The following PSPH variants were observed in gnomAD, a reference collection of about 807,000 sequenced individuals.
The protein encoded by PSPH is L-3-phosphoserine phosphatase.
Under a neutral mutation model 23.4 loss-of-function variants are expected in PSPH, and 16 were observed. That is an observed-to-expected ratio of 0.68 (90% CI 0.46 to 1.04). The LOEUF (loss-of-function observed/expected upper bound fraction) is 1.04. Among genes scored for constraint, PSPH ranks in the 50% least tolerant of loss-of-function variants. The probability of loss-of-function intolerance (pLI) is 0.00; values close to 1 mark genes in which losing one functional copy is unlikely to be tolerated. For synonymous variants in PSPH, 68 were observed against 99.7 expected, an observed-to-expected ratio of 0.68 and a Z score of 1.89; for missense variants, 223 against 273.7, an observed-to-expected ratio of 0.81 and a Z score of 1.31.
chr7:56,034,730 A>G (rs1791499049), intron 1 of PSPH, among the ~76,000 whole-genome samples: 1 of 151,842 alleles, frequency 6.6e-6, no homozygotes, highest in African/African-American at 2.4e-5. Context: ...GTTAGCCAGG[A>G]TGGTCTCGAT....
intron 1 of PSPH, among the ~76,000 whole-genome samples, chr7:56,035,251 G>T (rs1337439069): frequency 6.6e-6 from 1 of 152,084 alleles, no homozygotes; most frequent in Non-Finnish European, 1.5e-5. Context: ...TGAGGCAGGA[G>T]AATTGCTTGA....
chr7:56,020,795 T>C (rs1789270935), intron 4 of PSPH, among the ~76,000 whole-genome samples: 1 of 152,162 alleles, frequency 6.6e-6, no homozygotes, highest in Non-Finnish European at 1.5e-5. Flanking sequence ...CTTTCAACCA[T>C]GACACAAAGC....
rs763933350 is a variant in PSPH at position 56,021,137 on chromosome 7, T to C, written c.76A>G (p.Ile26Val). 6.2e-6 allele frequency: 10 copies of C among 1,614,278 alleles called. No individual in the cohort carries two copies. The highest frequency in any genetic ancestry group is 5.9e-6 in the Non-Finnish European group (7 of 1,180,048). Residue 26 changes from isoleucine (I) to valine (V), a missense_variant, in exon 4 of 8, where the codon ATC (isoleucine) becomes GTC (valine). Physicochemically the swap from Ile to Val is conservative, Grantham distance 29. Coordinates refer to ENST00000275605, the MANE Select transcript of PSPH (RefSeq NM_004577.4). ...AVCFDVDSTV[I>V]REEGIDELAK... is the part of the protein sequence containing the mutation. ...AGCTCATCGATTCCTTCTTCTCTGA[T>C]GACCGTGCTGTCAACATCAAAACAC...
intron 3 of PSPH, among the ~76,000 whole-genome samples, chr7:56,023,264 A>AT (rs57649480): frequency 5.8e-4 from 84 of 145,352 alleles, no homozygotes; most frequent in East Asian, 1.6e-3. Flanking sequence ...GTCAAAACAA[A>AT]TTTTTTTTTT....
rs371566903 is a variant in PSPH at position 56,042,614 on chromosome 7, G to A, written c.-291-8508C>T. On this transcript the variant is annotated intron_variant, in intron 1 of 7. Transcript: ENST00000275605. ...TGCAGTGAGACATGTTCGTGCCACT[G>A]CACTCCAGCTTCGGCAACAGAGTGG... is the stretch of plus-strand genomic sequence containing the variant. Among the ~76,000 whole-genome samples, 8 of 149,970 alleles carry A rather than the reference G, an allele frequency of 5.3e-5. No individual in the cohort carries two copies. The South Asian group carries it at 1.5e-3, about 28-fold the overall frequency.
intron 1 of PSPH, among the ~76,000 whole-genome samples, chr7:56,045,960 C>A (rs1227136354): frequency 6.6e-6 from 1 of 151,392 alleles, no homozygotes; most frequent in Non-Finnish European, 1.5e-5. Context: ...TACAGCACAG[C>A]AAGCAGTGTG....
At chr7:56,029,297 G>T (rs1002537869) in intron 3 of PSPH, among the ~76,000 whole-genome samples, 4 of 152,008 alleles carry the variant, frequency 2.6e-5, no homozygotes, top group African/African-American at 7.2e-5. Context: ...TGGATTCTTC[G>T]TATTTGGCTC....
chr7:56,042,100 G>A (rs750526763), intron 1 of PSPH, among the ~76,000 whole-genome samples: 12 of 151,648 alleles, frequency 7.9e-5, no homozygotes, highest in Non-Finnish European at 1.6e-4. Context: ...TCGTGCACCT[G>A]TAATCCCAGC....
intron 5 of PSPH, among the ~76,000 whole-genome samples, chr7:56,017,869 C>A (rs934270305): frequency 6.6e-6 from 1 of 152,054 alleles, no homozygotes; most frequent in South Asian, 2.1e-4. Flanking sequence ...ACAACAGATG[C>A]GCACCACCAC....
intron 1 of PSPH, among the ~76,000 whole-genome samples, chr7:56,039,865 G>A (rs1445427283): frequency 6.0e-5 from 9 of 150,760 alleles, no homozygotes; most frequent in Non-Finnish European, 8.9e-5. Flanking sequence ...TTGGGAGGCC[G>A]AGGTGGGCGG....
intron 1 of PSPH, among the ~76,000 whole-genome samples, chr7:56,041,876 T>C (rs1174372412): frequency 6.6e-6 from 1 of 151,794 alleles, no homozygotes; most frequent in Non-Finnish European, 1.5e-5. Context: ...TCAGCTGAGA[T>C]TGTGCCACTG....
chr7:56,036,048 T>C (rs1791684725), intron 1 of PSPH, among the ~76,000 whole-genome samples: 1 of 151,914 alleles, frequency 6.6e-6, no homozygotes. Flanking sequence ...GGCTAACAAG[T>C]TGAAACCCCA....
At chr7:56,021,587 T>C (rs2116690221) in intron 3 of PSPH, among the ~76,000 whole-genome samples, 1 of 150,716 alleles carries the variant, frequency 6.6e-6, no homozygotes, top group African/African-American at 2.4e-5. Flanking sequence ...ATCTTTCTTT[T>C]CTTTTAGATA....
intron 5 of PSPH, among the ~76,000 whole-genome samples, chr7:56,018,848 T>C (rs967960239): frequency 1.3e-5 from 2 of 151,886 alleles, no homozygotes; most frequent in Non-Finnish European, 2.9e-5. Context: ...CCTACGTCTG[T>C]AGTCCCAGCT....
intron 5 of PSPH, among the ~76,000 whole-genome samples, chr7:56,019,137 T>C (rs950117619): frequency 1.3e-5 from 2 of 151,992 alleles, no homozygotes; most frequent in African/African-American, 4.8e-5. Flanking sequence ...AATGAGACGC[T>C]GACTCTAAAA....
chr7:56,015,362 T>TTTATGA (rs1290828944), intron 6 of PSPH, among the ~76,000 whole-genome samples, 191 bp from the exon 7 acceptor site: 2 of 152,174 alleles, frequency 1.3e-5, no homozygotes, highest in Admixed American at 1.3e-4. Context: ...TTTATTTCCT[T>TTTATGA]TTATGATTAT....
intron 1 of PSPH, among the ~76,000 whole-genome samples, chr7:56,036,493 G>A (rs1357203457): frequency 6.6e-6 from 1 of 151,824 alleles, no homozygotes; most frequent in East Asian, 1.9e-4. Context: ...GCTGGGTGTG[G>A]TGGTGCATGC....
chr7:56,039,795 TAAA>T (rs1266091253), intron 1 of PSPH, among the ~76,000 whole-genome samples: 10 of 107,816 alleles, frequency 9.3e-5, no homozygotes, highest in African/African-American at 3.4e-4. Flanking sequence ...AAAAAAAAAT[TAAA>T]AAAAAAAAAA....
At chr7:56,036,421 T>A (rs1455647730) in intron 1 of PSPH, among the ~76,000 whole-genome samples, 1 of 152,134 alleles carries the variant, frequency 6.6e-6, no homozygotes, top group African/African-American at 2.4e-5. Flanking sequence ...TATTAAGTAT[T>A]CTTTAAAATA....
Sources: gnomAD v4.1 joint callset for allele counts (sites outside exome capture counted in the v4.1 genomes callset) on GRCh38, gnomAD v4.1.1 for gene constraint, MANE v1.5 for transcripts, NCBI Gene and HGNC (gene_info 2026-07-23, HGNC 2026-07-21) for gene names.